Variants in SLC26A7 observed in about 807,000 individuals in gnomAD.
SLC26A7 encodes the protein anion exchange transporter.
In SLC26A7, 59 loss-of-function variants were observed where a neutral mutation model predicts 82.5. The ratio of observed to expected loss-of-function variants is 0.72; its 90% CI spans 0.58 to 0.89. The LOEUF is 0.89. Among genes scored for constraint, SLC26A7 ranks in the 40% least tolerant of loss-of-function variants. The pLI, the probability that SLC26A7 is intolerant of heterozygous loss-of-function variation, is 0.00. For missense variants in SLC26A7, 820 were observed against 793.0 expected, an observed-to-expected ratio of 1.03 and a Z score of -0.41; for synonymous variants, 271 against 274.3, an observed-to-expected ratio of 0.99 and a Z score of 0.12.
At chr8:91,335,777 T>A (rs1027727046) in intron 6 of SLC26A7, among the ~76,000 whole-genome samples, 1 of 152,194 alleles carries the variant, frequency 6.6e-6, no homozygotes, top group Admixed American at 6.6e-5. Flanking sequence ...ATATAACAGA[T>A]TCTGTTTTCT....
intron 18 of SLC26A7, chr8:91,394,255 C>T (rs1023070126): frequency 6.2e-7 from 1 of 1,613,192 alleles, no homozygotes; most frequent in African/African-American, 1.3e-5. Flanking sequence ...TTGGATCTTC[C>T]AACAATGCCA....
At chr8:91,332,545 A>G in intron 5 of SLC26A7, among the ~76,000 whole-genome samples, 1 of 145,290 alleles carries the variant, frequency 6.9e-6, no homozygotes, top group East Asian at 2.0e-4. Context: ...TATTTAAGCT[A>G]GAGACAGGAT....
chr8:91,382,426 T>G (rs1041148187), intron 15 of SLC26A7, among the ~76,000 whole-genome samples: 13 of 152,216 alleles, frequency 8.5e-5, no homozygotes, highest in African/African-American at 2.9e-4. Flanking sequence ...TCTATTTGGA[T>G]TCTCATAACT....
intron 13 of SLC26A7, 76 bp from the exon 14 acceptor site, chr8:91,366,500 TTGAG>T: frequency 6.8e-7 from 1 of 1,461,778 alleles, no homozygotes; most frequent in Non-Finnish European, 9.3e-7. Context: ...GCTTATAAAA[TTGAG>T]TGACATTTAG....
chr8:91,355,468 A>G (rs969664423), intron 11 of SLC26A7, among the ~76,000 whole-genome samples: 12 of 151,786 alleles, frequency 7.9e-5, no homozygotes, highest in African/African-American at 2.7e-4. Flanking sequence ...TTTTCTGTAT[A>G]AGTGATTTCT....
chr8:91,378,420 AT>A (rs1814578153), intron 15 of SLC26A7, among the ~76,000 whole-genome samples: 2 of 146,902 alleles, frequency 1.4e-5, no homozygotes, highest in Non-Finnish European at 3.0e-5. Flanking sequence ...TATATAAATA[AT>A]ATATATTATA....
intron 2 of SLC26A7, among the ~76,000 whole-genome samples, chr8:91,251,394 A>G (rs1810652938): frequency 6.6e-6 from 1 of 152,100 alleles, no homozygotes; most frequent in Admixed American, 6.6e-5. Context: ...TGTCTTGGGA[A>G]GTTATGAATC....
chr8:91,297,865 A>G (rs890417861), intron 4 of SLC26A7, among the ~76,000 whole-genome samples: 1 of 152,052 alleles, frequency 6.6e-6, no homozygotes, highest in Non-Finnish European at 1.5e-5. Context: ...TTGCTTGCAT[A>G]TTATTTAGTT....
rs377228641 is a variant in SLC26A7 at position 91,351,875 on chromosome 8, C to T, written c.1206C>T (p.Tyr402=). 5 of 1,610,028 alleles carry T rather than the reference C, an allele frequency of 3.1e-6. No individual in the cohort carries two copies. The highest frequency in any genetic ancestry group is 2.2e-5 in the East Asian group (1 of 44,854). Residue 402 remains tyrosine (Y), a synonymous_variant, in exon 10 of 19, where the codon TAC becomes TAT. Transcript: ENST00000276609. ...TCTATGCAATAGGACCTTTGCTTTA[C>T]TGGCTGCCCATGGTACGGTAGTGCT... ...IVIYAIGPLL[Y]WLPMCVLASI...
chr8:91,351,758 T>TA, intron 9 of SLC26A7, 52 bp from the exon 10 acceptor site: 1 of 1,271,038 alleles, frequency 7.9e-7, no homozygotes, highest in South Asian at 1.2e-5. Context: ...TTTGACATAA[T>TA]AAAAAAGTTC....
rs866055680 is a variant in SLC26A7 at position 91,354,154 on chromosome 8, A to G, written c.1314+1158A>G. Among the ~76,000 whole-genome samples, 55 of 152,232 alleles carry G rather than the reference A, an allele frequency of 3.6e-4. 2 individuals carry two copies. The highest frequency in any genetic ancestry group is 3.4e-3 in the Middle Eastern group (1 of 294). ...GGCTCATGAAAACAAAGAAATGAGA[A>G]GATGCAAACTTACTCAACAAGCTAC... On this transcript the variant is annotated intron_variant, in intron 11 of 18. Transcript: ENST00000276609.
At chr8:91,385,335 G>A (rs540868589) in intron 15 of SLC26A7, among the ~76,000 whole-genome samples, 1 of 152,252 alleles carries the variant, frequency 6.6e-6, no homozygotes, top group South Asian at 2.1e-4. Context: ...AGAACACAAG[G>A]TTATAGCCAT....
intron 2 of SLC26A7, among the ~76,000 whole-genome samples, chr8:91,242,678 A>C (rs1302663525): frequency 6.6e-6 from 1 of 152,196 alleles, no homozygotes; most frequent in Non-Finnish European, 1.5e-5. Flanking sequence ...GCCATCTGCA[A>C]GCCAGTAAGA....
chr8:91,350,108 G>C (rs576344873), intron 9 of SLC26A7, among the ~76,000 whole-genome samples: 11 of 152,144 alleles, frequency 7.2e-5, no homozygotes, highest in African/African-American at 2.6e-4. Context: ...CCCTTTGTAT[G>C]CTGACGAGTG....
intron 2 of SLC26A7, among the ~76,000 whole-genome samples, chr8:91,282,365 C>A (rs1412225444): frequency 6.6e-6 from 1 of 152,066 alleles, no homozygotes; most frequent in Non-Finnish European, 1.5e-5. Flanking sequence ...ATGGAACAAC[C>A]CCTCCCAGGC....
chr8:91,227,280 G>A (rs1337661871), intron 2 of SLC26A7, among the ~76,000 whole-genome samples: 2 of 152,112 alleles, frequency 1.3e-5, no homozygotes. Flanking sequence ...CTCCTGTTTT[G>A]TCTCTTCTGT....
At chr8:91,358,898 A>G (rs894055203) in intron 11 of SLC26A7, among the ~76,000 whole-genome samples, 3 of 152,130 alleles carry the variant, frequency 2.0e-5, no homozygotes, top group Non-Finnish European at 2.9e-5. Flanking sequence ...ACTCGGACAC[A>G]GGAAGCGGAA....
At position 91,295,638 on chromosome 8, in the gene SLC26A7, T is replaced by C; in HGVS notation, c.412T>C (p.Ser138Pro). The change falls in exon 4 of 19, where the codon TCC becomes CCC. Residue 138 changes from serine to proline, a missense_variant. Transcript: ENST00000276609. ...TQSNTSVLGL[S>P]DFEMQRIHVA... is the part of the protein sequence containing the mutation. ...GAGTAACACAAGCGTGCTGGGCTTATCCGACTTTGAAATGCAAAGGATCCA... is the reference window on the plus strand; with the variant it reads ...GAGTAACACAAGCGTGCTGGGCTTACCCGACTTTGAAATGCAAAGGATCCA... 6.2e-7 allele frequency: 1 copy of C among 1,614,132 alleles called. No individual in the cohort carries two copies. The highest frequency in any genetic ancestry group is 8.5e-7 in the Non-Finnish European group (1 of 1,179,980).
chr8:91,259,699 T>C (rs1350620436), intron 2 of SLC26A7, among the ~76,000 whole-genome samples: 1 of 152,090 alleles, frequency 6.6e-6, no homozygotes, highest in Non-Finnish European at 1.5e-5. Flanking sequence ...GTATTTCCTC[T>C]AAAATGAATA....
Sources: gnomAD v4.1 joint callset for allele counts (sites outside exome capture counted in the v4.1 genomes callset) on GRCh38, gnomAD v4.1.1 for gene constraint, MANE v1.5 for transcripts, NCBI Gene and HGNC (gene_info 2026-07-23, HGNC 2026-07-21) for gene names.